Variants in ADCY2 observed in about 807,000 individuals in gnomAD.
ADCY2 encodes adenylate cyclase type 2.
A neutral mutation model predicts 125.2 loss-of-function variants in ADCY2; 31 were observed. The observed-to-expected ratio is 0.25, with a 90% CI of 0.19 to 0.33. The LOEUF is 0.33. ADCY2 is among the 10% of genes least tolerant of loss of function. ADCY2 has a pLI of 1.00. For synonymous variants in ADCY2, 512 were observed against 548.4 expected, an observed-to-expected ratio of 0.93 and a Z score of 0.93; for missense variants, 904 against 1,418.2, an observed-to-expected ratio of 0.64 and a Z score of 5.82.
At position 7,763,215 on chromosome 5, in the gene ADCY2, C is replaced by A. The variant is rs537323317; in HGVS notation, c.2095-3472C>A. Among the ~76,000 whole-genome samples the A allele has an allele frequency of 2.8e-3, 426 of 152,080 alleles. 3 individuals are homozygous for A. Among genetic ancestry groups the A allele is most frequent in the African/African-American group, 9.9e-3 (412 of 41,516 alleles). ...TTCACGCCATTCTGCCTCTGCGTCC[C>A]GCGTAGCTGGGACTACAGGCGCCCG... On this transcript the variant is annotated intron_variant, in intron 16 of 24. Transcript: ENST00000338316.
chr5:7,553,884 C>A (rs903666551), intron 3 of ADCY2, among the ~76,000 whole-genome samples: 1 of 152,254 alleles, frequency 6.6e-6, no homozygotes, highest in African/African-American at 2.4e-5. Context: ...CGAGAGCAAC[C>A]TCTATTTCCT....
At chr5:7,603,605 C>T (rs1256669519) in intron 3 of ADCY2, among the ~76,000 whole-genome samples, 1 of 152,036 alleles carries the variant, frequency 6.6e-6, no homozygotes, top group Non-Finnish European at 1.5e-5. Flanking sequence ...TACTGTTGAG[C>T]CTGAGGAAGG....
At chr5:7,624,559 C>T (rs1253399380) in intron 3 of ADCY2, among the ~76,000 whole-genome samples, 1 of 152,148 alleles carries the variant, frequency 6.6e-6, no homozygotes, top group Non-Finnish European at 1.5e-5. Context: ...GGTTCATATC[C>T]TTTTCCCAAA....
intron 4 of ADCY2, among the ~76,000 whole-genome samples, chr5:7,636,135 G>A (rs931325813): frequency 1.3e-5 from 2 of 152,186 alleles, no homozygotes; most frequent in African/African-American, 4.8e-5. Flanking sequence ...GTTAGGATGG[G>A]GTAGAAGAGG....
At chr5:7,772,265 G>A (rs1398573266) in intron 17 of ADCY2, among the ~76,000 whole-genome samples, 1 of 152,142 alleles carries the variant, frequency 6.6e-6, no homozygotes, top group East Asian at 1.9e-4. Context: ...TGGCTCACCT[G>A]GGGCAGGCCT....
chr5:7,560,945 C>T (rs963080256), intron 3 of ADCY2, among the ~76,000 whole-genome samples: 18 of 152,194 alleles, frequency 1.2e-4, no homozygotes, highest in Non-Finnish European at 2.4e-4. Context: ...GCCTCAGCCT[C>T]CCAAAGTACT....
chr5:7,621,345 A>G (rs1737947304), intron 3 of ADCY2, among the ~76,000 whole-genome samples: 1 of 152,232 alleles, frequency 6.6e-6, no homozygotes, highest in Non-Finnish European at 1.5e-5. Flanking sequence ...ACTTTACAGC[A>G]TAAACACAAA....
chr5:7,710,904 G>A (rs189057595), intron 10 of ADCY2, among the ~76,000 whole-genome samples: 3 of 152,254 alleles, frequency 2.0e-5, no homozygotes, highest in Admixed American at 1.3e-4. Flanking sequence ...GTGATGGATT[G>A]GATATGCATG....
rs3033085 is a variant in ADCY2 at position 7,459,772 on chromosome 5, ATTTTTTTTTTTT to A, written c.408+45024_408+45035del. ...GAACTATCTAGCAGTTTAAGAGGTA[ATTTTTTTTTTTT>A]TTTTTTTTTTTTTTTTTTTTTGACG... On this transcript the variant is annotated intron_variant, in intron 2 of 24. Transcript: ENST00000338316. 6.2e-4 allele frequency among the ~76,000 whole-genome samples: 45 copies of A among 72,866 alleles called. 1 individual carries two copies. The highest frequency in any genetic ancestry group is 0.028 in the Middle Eastern group (2 of 72). The allele number at this position is 72,866 out of a possible 152,430, so 47.8% of individuals were successfully genotyped here.
chr5:7,502,627 C>T (rs1326385752), intron 2 of ADCY2, among the ~76,000 whole-genome samples: 3 of 152,214 alleles, frequency 2.0e-5, no homozygotes, highest in Non-Finnish European at 2.9e-5. Context: ...AATATGTGTT[C>T]ATTAGAGACT....
At chr5:7,665,828 C>T (rs1254656857) in intron 4 of ADCY2, among the ~76,000 whole-genome samples, 70 of 38,506 alleles carry the variant, frequency 1.8e-3, no homozygotes, top group South Asian at 3.3e-3. Context: ...TAATTTAATT[C>T]TTTTTTTTTT....
intron 14 of ADCY2, among the ~76,000 whole-genome samples, chr5:7,739,243 AAAATC>A (rs1742342808): frequency 6.6e-6 from 1 of 151,908 alleles, no homozygotes; most frequent in Non-Finnish European, 1.5e-5. Flanking sequence ...TAACCACACT[AAAATC>A]AAATTAGAAA....
At chr5:7,528,831 G>GT (rs1561076135) in intron 3 of ADCY2, among the ~76,000 whole-genome samples, 1 of 152,124 alleles carries the variant, frequency 6.6e-6, no homozygotes, top group Admixed American at 6.5e-5. Flanking sequence ...CCAAATGTTT[G>GT]TTTTTTAGGG....
intron 2 of ADCY2, among the ~76,000 whole-genome samples, chr5:7,417,399 T>C (rs1460269810): frequency 2.0e-5 from 3 of 152,206 alleles, no homozygotes; most frequent in Non-Finnish European, 1.5e-5. Flanking sequence ...TTTATTTGTA[T>C]AGAATTTTCT....
chr5:7,576,464 G>A (rs1026987389), intron 3 of ADCY2, among the ~76,000 whole-genome samples: 1 of 152,184 alleles, frequency 6.6e-6, no homozygotes, highest in African/African-American at 2.4e-5. Flanking sequence ...AGATGTTTTA[G>A]GTGAAACAGG....
intron 2 of ADCY2, among the ~76,000 whole-genome samples, chr5:7,462,006 A>G (rs1291909647): frequency 6.6e-6 from 1 of 152,172 alleles, no homozygotes; most frequent in Non-Finnish European, 1.5e-5. Flanking sequence ...TTTCTTGTCT[A>G]TGATTTGATC....
chr5:7,722,011 G>A (rs1304900534), intron 12 of ADCY2, among the ~76,000 whole-genome samples: 3 of 152,184 alleles, frequency 2.0e-5, no homozygotes, highest in Non-Finnish European at 4.4e-5. Context: ...TAAGTGTGTA[G>A]GAAGAATATA....
At chr5:7,730,850 T>G (rs1742078798) in intron 14 of ADCY2, among the ~76,000 whole-genome samples, 1 of 151,836 alleles carries the variant, frequency 6.6e-6, no homozygotes, top group Admixed American at 6.6e-5. Flanking sequence ...GTATTTTCAC[T>G]ATATTGTTTC....
intron 3 of ADCY2, among the ~76,000 whole-genome samples, chr5:7,544,221 C>A (rs767560232): frequency 6.6e-6 from 1 of 152,096 alleles, no homozygotes; most frequent in Non-Finnish European, 1.5e-5. Flanking sequence ...CTGAGGCCAG[C>A]AGGCAGCATT....
Sources: gnomAD v4.1 joint callset for allele counts (sites outside exome capture counted in the v4.1 genomes callset) on GRCh38, gnomAD v4.1.1 for gene constraint, MANE v1.5 for transcripts, NCBI Gene and HGNC (gene_info 2026-07-23, HGNC 2026-07-21) for gene names.